Variants in IGSF9B observed in about 807,000 individuals in gnomAD.
IGSF9B encodes immunoglobulin superfamily member 9B, also known as protein turtle homolog B.
IGSF9B carries 48 observed loss-of-function variants against 143.7 expected under a neutral mutation model. The ratio of observed to expected loss-of-function variants is 0.33; its 90% CI spans 0.26 to 0.42. The LOEUF is 0.42. Among genes scored for constraint, IGSF9B ranks in the 20% least tolerant of loss-of-function variants. The probability of loss-of-function intolerance (pLI) is 1.00; values close to 1 mark genes in which losing one functional copy is unlikely to be tolerated. For missense variants in IGSF9B, 1,706 were observed against 1,980.0 expected (o/e 0.86, Z 2.63); for synonymous variants, 903 against 833.1 (o/e 1.08, Z -1.44).
chr11:133,924,826 T>C lies in IGSF9B; in HGVS notation c.2113A>G (p.Ser705Gly). 1 of 1,613,714 alleles carries C rather than the reference T, an allele frequency of 6.2e-7. No homozygotes were observed. The highest frequency in any genetic ancestry group is 8.5e-7 in the Non-Finnish European group (1 of 1,179,782). The stretch of plus-strand genomic sequence containing the variant: ...CACCCTCAACCCAAAATACCTGTGC[T>C]GGAGACGCCGGCGATGTTGCTGGGC... ...SEPSNIAGVS[S>G]TDIFPQPDLT... The change falls in exon 15 of 20, where the codon AGC (serine) becomes GGC (glycine). Residue 705 changes from serine (S) to glycine (G), a missense_variant. Ser to Gly is a moderately conservative substitution (Grantham distance 56, BLOSUM62 0). Around this residue, in one of 7 missense-constraint regions of IGSF9B, gnomAD observed 267 missense variants for 321.1 expected, o/e 0.83. Transcript: ENST00000533871.
Position 133,956,830 on chromosome 11 carries a change from G to A in IGSF9B, c.-76C>T, listed in dbSNP as rs1940266758. ...GCCCGCACGCGCCTCGCGCCCGAGC[G>A]CCCGCCTCGCGCCCGCCTCGCGCCG... is the stretch of plus-strand genomic sequence containing the variant. On this transcript the variant is annotated 5_prime_UTR_variant, in exon 1 of 20. Transcript: ENST00000533871. 9 of 919,186 alleles carry A rather than the reference G, an allele frequency of 9.8e-6. No individual in the cohort carries two copies. In the South Asian group the frequency reaches 3.2e-4, roughly 32 times the overall value. The allele number at this position is 919,186 out of a possible 1,614,324, so 56.9% of individuals were successfully genotyped here.
chr11:133,919,655 GC>G, intron 18 of IGSF9B, 86 bp downstream of exon 18: 1 of 873,848 alleles, frequency 1.1e-6, no homozygotes, highest in East Asian at 3.2e-5. Flanking sequence ...CTGTCGCCGG[GC>G]GGATGGACGG....
intron 18 of IGSF9B, chr11:133,912,326 A>G: frequency 2.0e-6 from 1 of 512,574 alleles, no homozygotes; most frequent in East Asian, 5.3e-5. Flanking sequence ...GGATGCATTT[A>G]GTGTCAGAGA....
In IGSF9B at chr11:133,901,981, CACCAGA is replaced by C. The variant is rs1410575148; in HGVS notation, c.*7082_*7087del. Among the ~76,000 whole-genome samples the C allele has an allele frequency of 5.6e-5, 7 of 124,710 alleles. No homozygotes were observed. The highest frequency in any genetic ancestry group is 2.1e-4 in the African/African-American group (6 of 29,018). The allele number at this position is 124,710 out of a possible 152,430, so 81.8% of individuals were successfully genotyped here. ...ATGCACACCGCATCACACACATGCA[CACCAGA>C]CACATCACACACACACACACACCAG... On this transcript the variant is annotated 3_prime_UTR_variant, in exon 20 of 20. Transcript: ENST00000533871.
intron 1 of IGSF9B, 105 bp downstream of exon 1, chr11:133,956,586 G>A (rs1189508977): frequency 4.0e-6 from 3 of 744,170 alleles, no homozygotes; most frequent in African/African-American, 1.9e-5. Context: ...GCGCGCCGGG[G>A]AGCTGGGGAA....
rs1939324653 is a variant in IGSF9B at position 133,913,007 on chromosome 11, A to G, written c.3984-1000T>C. ...AATCTTTCAAGAGTCATAAAAGAGG[A>G]AAACCTAGAAGACATGTTCTCAATG... On this transcript the variant is annotated intron_variant, in intron 18 of 19. Coordinates refer to ENST00000533871, the MANE Select transcript of IGSF9B (RefSeq NM_001277285.4). The surrounding 1 kb of genome is among the most constrained non-coding windows in gnomAD (Gnocchi z 4.6). Among the ~76,000 whole-genome samples the G allele has an allele frequency of 6.6e-6, 1 of 152,214 alleles. No individual in the cohort carries two copies. Among genetic ancestry groups the G allele is most frequent in the African/African-American group, 2.4e-5 (1 of 41,448 alleles).
chr11:133,927,499 T>C (rs1939649082), intron 12 of IGSF9B, among the ~76,000 whole-genome samples: 2 of 152,176 alleles, frequency 1.3e-5, no homozygotes, highest in African/African-American at 4.8e-5. Context: ...GCCCAGGACC[T>C]GGCTGCACAC....
chr11:133,912,094 C>G, intron 18 of IGSF9B, 87 bp from the exon 19 acceptor site: 1 of 1,434,302 alleles, frequency 7.0e-7, no homozygotes, highest in East Asian at 2.5e-5. Context: ...AAGTAGCTGA[C>G]CCACAGAAGG....
intron 18 of IGSF9B, among the ~76,000 whole-genome samples, chr11:133,919,378 C>T (rs564616836): frequency 6.6e-6 from 1 of 152,280 alleles, no homozygotes; most frequent in East Asian, 1.9e-4. Flanking sequence ...GACCCCTGCC[C>T]GATGCCAGGA....
chr11:133,937,301 G>A (rs1206587526), intron 5 of IGSF9B, 75 bp downstream of exon 5: 27 of 1,119,934 alleles, frequency 2.4e-5, no homozygotes, highest in Admixed American at 1.4e-4. Flanking sequence ...CTGGGAAAAC[G>A]CCCTCCGTAG....
chr11:133,952,708 C>T lies in IGSF9B; in HGVS notation c.64+3983G>A, dbSNP rs946679446. On this transcript the variant is annotated intron_variant, in intron 1 of 19. Coordinates refer to ENST00000533871, the MANE Select transcript of IGSF9B (RefSeq NM_001277285.4). Reference sequence around the variant, plus strand: ...ACATACATGCCAGCATGCATACACACAGGGGCACATATATGCACACATGCA... The same window carrying T: ...ACATACATGCCAGCATGCATACACATAGGGGCACATATATGCACACATGCA... 5.9e-5 allele frequency among the ~76,000 whole-genome samples: 9 copies of T among 151,786 alleles called. No homozygotes were observed. The South Asian group carries it at 6.2e-4, about 10-fold the overall frequency.
rs759730540 is a variant in IGSF9B at position 133,901,712 on chromosome 11, CAA to C, written c.*7355_*7356del. 3.9e-5 allele frequency: 6 copies of C among 152,134 alleles called. No homozygotes were observed. The highest frequency in any genetic ancestry group is 2.0e-4 in the Admixed American group (3 of 15,282). 9.4% of individuals were successfully genotyped at this position (152,134 alleles called of 1,614,324 possible). On this transcript the variant is annotated 3_prime_UTR_variant, in exon 20 of 20. Coordinates refer to ENST00000533871, the MANE Select transcript of IGSF9B (RefSeq NM_001277285.4). Reference sequence around the variant, plus strand: ...TCCTACCCAAACAGAAGTTGTCTAGCAAAAGAGCCAAACAAAGGAGGGTCTCC... The same window carrying C: ...TCCTACCCAAACAGAAGTTGTCTAGCAAGAGCCAAACAAAGGAGGGTCTCC...
intron 3 of IGSF9B, among the ~76,000 whole-genome samples, chr11:133,942,521 C>T (rs369594755): frequency 6.6e-6 from 1 of 152,178 alleles, no homozygotes; most frequent in Non-Finnish European, 1.5e-5. Flanking sequence ...GTCATACGCA[C>T]GTCCACTGAA....
chr11:133,936,819 C>T (rs1460469119), intron 5 of IGSF9B, among the ~76,000 whole-genome samples: 1 of 152,204 alleles, frequency 6.6e-6, no homozygotes, highest in Non-Finnish European at 1.5e-5. Context: ...GGGCCGAGTT[C>T]AGCACAGGGT....
rs2121273948 is a variant in IGSF9B at position 133,913,983 on chromosome 11, G to A, written c.3984-1976C>T. Among the ~76,000 whole-genome samples, 2 of 152,264 alleles carry A rather than the reference G, an allele frequency of 1.3e-5. No individual in the cohort carries two copies. The highest frequency in any genetic ancestry group is 2.9e-5 in the Non-Finnish European group (2 of 68,012). On this transcript the variant is annotated intron_variant, in intron 18 of 19. Coordinates refer to ENST00000533871, the MANE Select transcript of IGSF9B (RefSeq NM_001277285.4). This position sits in a 1 kb window ranked among gnomAD's most constrained non-coding sequence, Gnocchi z 4.6. ...AAGAGTGCTCTCCAATGTCATCCAG[G>A]GCGACCGCTGGGGCACGAGAGAAAC...
rs1591708012 is a variant in IGSF9B, at chr11:133,913,910, C to T, written c.3984-1903G>A. 6.6e-6 allele frequency among the ~76,000 whole-genome samples: 1 copy of T among 152,176 alleles called. No homozygotes were observed. Among genetic ancestry groups the T allele is most frequent in the African/African-American group, 2.4e-5 (1 of 41,444 alleles). On this transcript the variant is annotated intron_variant, in intron 18 of 19. Coordinates refer to ENST00000533871, the MANE Select transcript of IGSF9B (RefSeq NM_001277285.4). The surrounding 1 kb of genome is among the most constrained non-coding windows in gnomAD (Gnocchi z 4.6). ...CTCCTGGCCGGCCTCTTCAGGAGGA[C>T]CACACAGGGTGAGCGACGTGTGGTC... is the stretch of plus-strand genomic sequence containing the variant.
At position 133,920,989 on chromosome 11, in the gene IGSF9B, G is replaced by A. The variant is rs770729496; in HGVS notation, c.2736C>T (p.Leu912=). Residue 912 remains leucine, a synonymous_variant, in exon 18 of 20, where the codon CTC becomes CTT. Transcript: ENST00000533871. Reference sequence around the variant, plus strand: ...ACTCCTGGCTGGATGACAGAGGGGTGAGCTGGGACTTCAGGGCGGCCACAG... The same window carrying A: ...ACTCCTGGCTGGATGACAGAGGGGTAAGCTGGGACTTCAGGGCGGCCACAG... ...PTSVAALKSQ[L]TPLSSSQESY... The A allele has an allele frequency of 1.2e-6, 2 of 1,611,182 alleles. No individual in the cohort carries two copies. The highest frequency in any genetic ancestry group is 2.7e-5 in the African/African-American group (2 of 74,894).
Position 133,931,943 on chromosome 11 carries a change from C to T in IGSF9B, c.1110+128G>A, listed in dbSNP as rs1299225728. 2.0e-6 allele frequency: 3 copies of T among 1,481,492 alleles called. No individual in the cohort carries two copies. Among genetic ancestry groups the T allele is most frequent in the East Asian group, 2.4e-5 (1 of 42,140 alleles). The allele number at this position is 1,481,492 out of a possible 1,614,324, so 91.8% of individuals were successfully genotyped here. ...CGGCACCCGCAGACCCCTACAGAAG[C>T]AGCTCTCTGTTTGCCCAGGGCTTTT... is the stretch of plus-strand genomic sequence containing the variant. On this transcript the variant is annotated intron_variant, in intron 8 of 19. Coordinates refer to ENST00000533871, the MANE Select transcript of IGSF9B (RefSeq NM_001277285.4). This position sits in a 1 kb window ranked among gnomAD's most constrained non-coding sequence, Gnocchi z 7.7.
At position 133,903,692 on chromosome 11, in the gene IGSF9B, C is replaced by T. The variant is rs570253820; in HGVS notation, c.*5377G>A. On this transcript the variant is annotated 3_prime_UTR_variant, in exon 20 of 20. Coordinates refer to ENST00000533871, the MANE Select transcript of IGSF9B (RefSeq NM_001277285.4). ...AAAATGAGGTTGAAAAAAACTTCCACCTTCTCGGCAACCCAACACACAGAA... is the reference window on the plus strand; with the variant it reads ...AAAATGAGGTTGAAAAAAACTTCCATCTTCTCGGCAACCCAACACACAGAA... Among the ~76,000 whole-genome samples, 31 of 152,206 alleles carry T rather than the reference C, an allele frequency of 2.0e-4. No individual in the cohort carries two copies. Among genetic ancestry groups the T allele is most frequent in the Non-Finnish European group, 4.3e-4 (29 of 68,048 alleles).
Sources: gnomAD v4.1 joint callset for allele counts (sites outside exome capture counted in the v4.1 genomes callset) on GRCh38, gnomAD v4.1.1 for gene constraint, gnomAD v4.1.1 regional missense constraint, Gnocchi (gnomAD v3.1) non-coding constraint, MANE v1.5 for transcripts, NCBI Gene and HGNC (gene_info 2026-07-23, HGNC 2026-07-21) for gene names.